Variants in GNS observed in about 807,000 individuals in gnomAD.
GNS encodes N-acetylglucosamine-6-sulfatase.
In GNS, 40 loss-of-function variants were observed where a neutral mutation model predicts 69.7. The ratio of observed to expected loss-of-function variants is 0.57; its 90% CI spans 0.45 to 0.75. The LOEUF is 0.75. Ranked by LOEUF, GNS falls within the 30% of genes least tolerant of loss-of-function variation. GNS has a pLI of 0.00. For missense variants in GNS, 565 were observed against 685.5 expected, an observed-to-expected ratio of 0.82 and a Z score of 1.96; for synonymous variants, 243 against 251.6, an observed-to-expected ratio of 0.97 and a Z score of 0.32.
At chr12:64,719,826 A>G (rs1457877575) in intron 13 of GNS, among the ~76,000 whole-genome samples, 196 bp downstream of exon 13, 2 of 152,210 alleles carry the variant, frequency 1.3e-5, no homozygotes, top group African/African-American at 4.8e-5. Context: ...TGGCTAAAGT[A>G]ACAACTGGCA....
At position 64,743,162 on chromosome 12, in the gene GNS, C is replaced by G. The variant is rs1869799228; in HGVS notation, c.771G>C (p.Lys257Asn). The change falls in exon 6 of 14, where the codon AAG becomes AAC. Residue 257 changes from lysine to asparagine, a missense_variant. Transcript: ENST00000258145. ...AFQNVFAPRN[K>N]NFNIHGTNKH... ...CTACCGTTCCATGGATGTTGAAGTT[C>G]TTGTTTCTTGGTGCAAAGACATTCT... The G allele has an allele frequency of 6.2e-7, 1 of 1,613,530 alleles. No individual in the cohort carries two copies. Among genetic ancestry groups the G allele is most frequent in the Non-Finnish European group, 8.5e-7 (1 of 1,179,536 alleles).
chr12:64,742,234 A>G (rs561853083), intron 6 of GNS, among the ~76,000 whole-genome samples: 2 of 152,116 alleles, frequency 1.3e-5, no homozygotes, highest in African/African-American at 4.8e-5. Context: ...GTTAGCCAGG[A>G]TGGTCTCAAT....
At chr12:64,743,337 T>C in intron 5 of GNS, 29 bp from the exon 6 acceptor site, 1 of 1,535,030 alleles carries the variant, frequency 6.5e-7, no homozygotes, top group Non-Finnish European at 9.0e-7. Flanking sequence ...TGTCATCTCC[T>C]ACCTTACCCA....
intron 6 of GNS, among the ~76,000 whole-genome samples, 182 bp downstream of exon 6, chr12:64,742,959 G>C (rs2136247434): frequency 1.3e-5 from 2 of 152,344 alleles, no homozygotes; most frequent in Non-Finnish European, 2.9e-5. Flanking sequence ...TGGATGTGTA[G>C]CAGGAACTTT....
intron 2 of GNS, among the ~76,000 whole-genome samples, chr12:64,751,063 T>C (rs1357709795): frequency 6.6e-6 from 1 of 152,052 alleles, no homozygotes; most frequent in Non-Finnish European, 1.5e-5. Context: ...AAATTATGAA[T>C]GAGGCTGGGC....
chr12:64,752,699 G>A lies in GNS; in HGVS notation c.251C>T (p.Ala84Val), dbSNP rs1217727978. The part of the protein sequence containing the change: ...IGEMGMTFSS[A>V]YVPSALCCPS... ...AATTGAATTAACTTTCAAACTTACA[G>A]CACTGGAAAAAGTCATCCCCATCTC... Residue 84 changes from alanine (A) to valine (V), a missense_variant and splice_region_variant, in exon 2 of 14, where the codon GCT (alanine) becomes GTT (valine). Transcript: ENST00000258145. 6.8e-7 allele frequency: 1 copy of A among 1,463,714 alleles called. No homozygotes were observed. The highest frequency in any genetic ancestry group is 9.6e-7 in the Non-Finnish European group (1 of 1,044,760). The allele number at this position is 1,463,714 out of a possible 1,614,324, so 90.7% of individuals were successfully genotyped here.
chr12:64,720,471 G>A (rs1388762348), intron 12 of GNS, among the ~76,000 whole-genome samples: 1 of 152,178 alleles, frequency 6.6e-6, no homozygotes, highest in Admixed American at 6.5e-5. Context: ...GAGAGGGTAT[G>A]GGGAAGAAAT....
At chr12:64,736,137 T>C (rs535100950) in intron 9 of GNS, among the ~76,000 whole-genome samples, 2 of 152,296 alleles carry the variant, frequency 1.3e-5, no homozygotes, top group South Asian at 2.1e-4. Flanking sequence ...AGAGAAGACA[T>C]AGCTGGTGGA....
At chr12:64,732,166 G>C (rs7955121) in intron 9 of GNS, among the ~76,000 whole-genome samples, 1 of 98,592 alleles carries the variant, frequency 1.0e-5, no homozygotes, top group Non-Finnish European at 1.9e-5. Context: ...TTTTTTTTTT[G>C]TTGTTTTTTT....
intron 1 of GNS, chr12:64,756,726 C>T: frequency 6.7e-7 from 1 of 1,496,524 alleles, no homozygotes; most frequent in South Asian, 1.2e-5. Flanking sequence ...CCTTGGAGTC[C>T]TGTTTGACAA....
chr12:64,716,909 A>T, intron 13 of GNS, 90 bp from the exon 14 acceptor site: 1 of 836,412 alleles, frequency 1.2e-6, no homozygotes, highest in South Asian at 1.4e-5. Context: ...GAAGGGGTGT[A>T]AAAGAAACAA....
intron 10 of GNS, 117 bp from the exon 11 acceptor site, chr12:64,723,230 TA>T: frequency 1.4e-6 from 1 of 719,862 alleles, no homozygotes; most frequent in Non-Finnish European, 2.6e-6. Context: ...GTTCATTCAG[TA>T]ACTAAAGGGA....
Position 64,715,193 on chromosome 12 carries a change from G to C in GNS, c.*1548C>G, listed in dbSNP as rs531500203. ...TCTTGTGAGGACAACATTAGAAATG[G>C]AACTGGTTTTTGAGCCAAGAAACAT... is the stretch of plus-strand genomic sequence containing the variant. On this transcript the variant is annotated 3_prime_UTR_variant, in exon 14 of 14. Transcript: ENST00000258145. The C allele has an allele frequency of 3.3e-5, 5 of 152,530 alleles. No individual in the cohort carries two copies. The South Asian group carries it at 1.0e-3, about 32-fold the overall frequency. 9.4% of individuals were successfully genotyped at this position (152,530 alleles called of 1,614,324 possible). A position where few individuals can be genotyped will look rare whatever the true frequency, so the allele number is the denominator to read the frequency against.
intron 6 of GNS, among the ~76,000 whole-genome samples, chr12:64,741,614 G>A (rs1303510956): frequency 2.0e-5 from 3 of 151,848 alleles, no homozygotes; most frequent in African/African-American, 7.3e-5. Context: ...GCCTAGCCAA[G>A]ATATCGGTCA....
In GNS at chr12:64,714,217, G is replaced by C. The variant is rs889348909; in HGVS notation, c.*2524C>G. ...TACTTTGCATGAGAGGGAGAGCTTT[G>C]TAACAGGAAATTGTATAAGGCAAAC... On this transcript the variant is annotated 3_prime_UTR_variant, in exon 14 of 14. Transcript: ENST00000258145. 1 of 152,212 alleles carries C rather than the reference G, an allele frequency of 6.6e-6. No homozygotes were observed. Among genetic ancestry groups the C allele is most frequent in the Non-Finnish European group, 1.5e-5 (1 of 68,054 alleles). 9.4% of individuals were successfully genotyped at this position (152,212 alleles called of 1,614,324 possible).
chr12:64,759,150 C>A lies in GNS; in HGVS notation c.127G>T (p.Gly43Ter). ...GCLGVFGVAA[G>*]TRRPNVVLLL... Reference sequence around the variant, plus strand: ...AGCACCACGTTGGGCCTCCGGGTTCCCGCAGCCACCCCGAAGACCCCCAGG... The same window carrying A: ...AGCACCACGTTGGGCCTCCGGGTTCACGCAGCCACCCCGAAGACCCCCAGG... The change falls in exon 1 of 14, where the codon GGA becomes TGA. Residue 43 changes from glycine to a stop codon, truncating the protein, a stop_gained. Coordinates refer to ENST00000258145, the MANE Select transcript of GNS (RefSeq NM_002076.4). LOFTEE classifies it high-confidence loss of function. 1 of 1,557,046 alleles carries A rather than the reference C, an allele frequency of 6.4e-7. No individual in the cohort carries two copies. Among genetic ancestry groups the A allele is most frequent in the Non-Finnish European group, 8.7e-7 (1 of 1,150,792 alleles).
intron 13 of GNS, among the ~76,000 whole-genome samples, chr12:64,717,667 A>C (rs567736814): frequency 6.6e-6 from 1 of 152,184 alleles, no homozygotes; most frequent in East Asian, 1.9e-4. Context: ...CCAGCCAGGA[A>C]TGAATCTTCT....
chr12:64,739,549 G>A lies in GNS; in HGVS notation c.876-50C>T, dbSNP rs768952236. On this transcript the variant is annotated intron_variant, in intron 7 of 13. Coordinates refer to ENST00000258145, the MANE Select transcript of GNS (RefSeq NM_002076.4). ...TGGGACTTCAGGGGCAATGGCTGAG[G>A]TATCACTATCTTGCCAAAAAAAAAA... is the stretch of plus-strand genomic sequence containing the variant. 4 of 670,434 alleles carry A rather than the reference G, an allele frequency of 6.0e-6. No individual in the cohort carries two copies. In the Admixed American group the frequency reaches 7.9e-5, roughly 13 times the overall value. 41.5% of individuals were successfully genotyped at this position (670,434 alleles called of 1,614,324 possible).
chr12:64,716,343 T>G lies in GNS; in HGVS notation c.*398A>C, dbSNP rs1868857363. 2.5e-5 allele frequency: 7 copies of G among 281,276 alleles called. No homozygotes were observed. In the South Asian group the frequency reaches 2.7e-4, roughly 11 times the overall value. 17.4% of individuals were successfully genotyped at this position (281,276 alleles called of 1,614,324 possible). ...CAGGTCCTTTGACTTTAGGTCAAGCTTACATATCAAAAGGTGTGTCTGTGT... is the reference window on the plus strand; with the variant it reads ...CAGGTCCTTTGACTTTAGGTCAAGCGTACATATCAAAAGGTGTGTCTGTGT... On this transcript the variant is annotated 3_prime_UTR_variant, in exon 14 of 14. Coordinates refer to ENST00000258145, the MANE Select transcript of GNS (RefSeq NM_002076.4).
Sources: allele counts gnomAD v4.1 joint callset (sites outside exome capture counted in the v4.1 genomes callset), GRCh38; gene constraint gnomAD v4.1.1; transcripts MANE v1.5; gene names NCBI Gene and HGNC (gene_info 2026-07-23, HGNC 2026-07-21).